CHST11: variants seen among roughly 807,000 people sequenced by gnomAD.
The protein encoded by CHST11 is carbohydrate sulfotransferase 11.
In CHST11, 9 loss-of-function variants were observed where a neutral mutation model predicts 30.4. That is an observed-to-expected ratio of 0.30 (90% CI 0.18 to 0.52). The LOEUF is 0.52. Among genes scored for constraint, CHST11 ranks in the 20% least tolerant of loss-of-function variants. The probability of loss-of-function intolerance (pLI) is 0.97; values close to 1 mark genes in which losing one functional copy is unlikely to be tolerated. For missense variants in CHST11, 348 were observed against 460.6 expected (o/e 0.76, Z 2.24); for synonymous variants, 152 against 187.8 (o/e 0.81, Z 1.56).
intron 1 of CHST11, among the ~76,000 whole-genome samples, chr12:104,568,077 C>T (rs1250646756): frequency 6.6e-6 from 1 of 152,180 alleles, no homozygotes; most frequent in East Asian, 1.9e-4. Flanking sequence ...CTTCCCAGGG[C>T]AGGTGAGCCT....
intron 2 of CHST11, among the ~76,000 whole-genome samples, chr12:104,633,540 G>C (rs111835549): frequency 1.7e-4 from 26 of 148,604 alleles, no homozygotes; most frequent in South Asian, 8.7e-4. Context: ...TCAGCCTCCC[G>C]AGTAGCTGGG....
chr12:104,696,910 G>A (rs2039952115), intron 2 of CHST11, among the ~76,000 whole-genome samples: 1 of 152,104 alleles, frequency 6.6e-6, no homozygotes, highest in Non-Finnish European at 1.5e-5. Flanking sequence ...TGCCTGTTCT[G>A]TACAACTATG....
chr12:104,615,284 G>A (rs1301275939), intron 2 of CHST11, among the ~76,000 whole-genome samples: 2 of 152,092 alleles, frequency 1.3e-5, no homozygotes, highest in African/African-American at 2.4e-5. Context: ...TTTGAGTATT[G>A]GAGAAATCGC....
intron 1 of CHST11, among the ~76,000 whole-genome samples, chr12:104,534,492 G>C (rs1704923): frequency 0.78 from 118,740 of 152,186 alleles, 47,081 homozygotes; most frequent in East Asian, 0.97. Flanking sequence ...TAGTGATTTC[G>C]ATTTCAATGA....
chr12:104,537,253 G>A (rs2038245555), intron 1 of CHST11, among the ~76,000 whole-genome samples: 1 of 152,204 alleles, frequency 6.6e-6, no homozygotes, highest in Admixed American at 6.5e-5. Context: ...ATGGTTCTAA[G>A]ATACAGAAGA....
intron 1 of CHST11, among the ~76,000 whole-genome samples, chr12:104,503,377 A>G (rs527584058): frequency 6.6e-6 from 1 of 152,196 alleles, no homozygotes; most frequent in Non-Finnish European, 1.5e-5. Context: ...TCTGCATTCT[A>G]ACCCCACACT....
chr12:104,652,048 C>T (rs998447703), intron 2 of CHST11, among the ~76,000 whole-genome samples: 51 of 152,234 alleles, frequency 3.4e-4, no homozygotes, highest in African/African-American at 1.1e-3. Context: ...ATTATACCCA[C>T]TTAGCAGGCT....
Position 104,608,863 on chromosome 12 carries a change from T to G in CHST11, c.204+6872T>G, listed in dbSNP as rs1436660765. 2.6e-5 allele frequency among the ~76,000 whole-genome samples: 4 copies of G among 152,106 alleles called. No individual in the cohort carries two copies. In the East Asian group the frequency reaches 7.7e-4, roughly 29 times the overall value. ...CCTATAGTGCTAGACATCCAGCCAG[T>G]AGCATGTGGGCCAATCCGAGATGCC... On this transcript the variant is annotated intron_variant, in intron 2 of 2. Coordinates refer to ENST00000303694, the MANE Select transcript of CHST11 (RefSeq NM_018413.6).
At chr12:104,687,642 G>C (rs2039858019) in intron 2 of CHST11, among the ~76,000 whole-genome samples, 1 of 152,186 alleles carries the variant, frequency 6.6e-6, no homozygotes, top group Non-Finnish European at 1.5e-5. Flanking sequence ...GGGCAGTGAG[G>C]AGGTTCTGGG....
intron 2 of CHST11, among the ~76,000 whole-genome samples, chr12:104,614,726 G>A (rs2039093096): frequency 6.6e-6 from 1 of 150,560 alleles, no homozygotes; most frequent in Non-Finnish European, 1.5e-5. Flanking sequence ...TAGAGCCTTG[G>A]TCATCCCGAC....
At chr12:104,740,931 G>T (rs1171001283) in intron 2 of CHST11, among the ~76,000 whole-genome samples, 5 of 152,252 alleles carry the variant, frequency 3.3e-5, no homozygotes, top group Non-Finnish European at 7.3e-5. Flanking sequence ...CTTTCACTAT[G>T]ATTGAGAATG....
Position 104,600,909 on chromosome 12 carries a change from C to T in CHST11, c.119-997C>T, listed in dbSNP as rs2038951855. On this transcript the variant is annotated intron_variant, in intron 1 of 2. Coordinates refer to ENST00000303694, the MANE Select transcript of CHST11 (RefSeq NM_018413.6). This position sits in a 1 kb window ranked among gnomAD's most constrained non-coding sequence, Gnocchi z 4.1. ...CTCCCTTCTTCCCTCCTTCCTCCTT[C>T]TCGGCTTCCTTTTTTCCTTTCCTCC... 6.6e-6 allele frequency among the ~76,000 whole-genome samples: 1 copy of T among 150,464 alleles called. No individual in the cohort carries two copies. The highest frequency in any genetic ancestry group is 2.5e-5 in the African/African-American group (1 of 40,790).
intron 1 of CHST11, among the ~76,000 whole-genome samples, chr12:104,578,937 A>G (rs955773641): frequency 4.6e-5 from 7 of 152,230 alleles, no homozygotes; most frequent in African/African-American, 1.7e-4. Flanking sequence ...TAATTAACTC[A>G]CGTAATGCAA....
intron 1 of CHST11, among the ~76,000 whole-genome samples, chr12:104,561,993 G>A (rs111950487): frequency 0.048 from 7,338 of 152,102 alleles, 285 homozygotes; most frequent in African/African-American, 0.11. Context: ...GGACTCCAGA[G>A]CTCATACCCT....
intron 2 of CHST11, among the ~76,000 whole-genome samples, chr12:104,626,578 CAAA>C (rs34633763): frequency 9.0e-5 from 7 of 78,152 alleles, no homozygotes; most frequent in Admixed American, 1.4e-4. Flanking sequence ...CCTCCCCACC[CAAA>C]AAAAAAAAAA....
chr12:104,569,823 C>A (rs1273659246), intron 1 of CHST11, among the ~76,000 whole-genome samples: 1 of 152,150 alleles, frequency 6.6e-6, no homozygotes, highest in Admixed American at 6.5e-5. Flanking sequence ...AGTCCCCAAC[C>A]CTGGGCTTTC....
chr12:104,497,469 G>A (rs1041525842), intron 1 of CHST11, among the ~76,000 whole-genome samples: 1 of 152,156 alleles, frequency 6.6e-6, no homozygotes, highest in East Asian at 1.9e-4. Context: ...CTGTGAGAAC[G>A]TAAAATTCTG....
intron 1 of CHST11, among the ~76,000 whole-genome samples, chr12:104,486,988 C>T (rs2135964591): frequency 6.6e-6 from 1 of 152,326 alleles, no homozygotes; most frequent in African/African-American, 2.4e-5. Flanking sequence ...AAGCAAAGCA[C>T]ATTTCTGGTC....
At chr12:104,549,487 C>A (rs2038384896) in intron 1 of CHST11, among the ~76,000 whole-genome samples, 1 of 152,150 alleles carries the variant, frequency 6.6e-6, no homozygotes, top group South Asian at 2.1e-4. Flanking sequence ...GTCCTGTTGT[C>A]AGTTTCTTTA....
Sources: allele counts gnomAD v4.1 joint callset (sites outside exome capture counted in the v4.1 genomes callset), GRCh38; gene constraint gnomAD v4.1.1; non-coding constraint Gnocchi (gnomAD v3.1); transcripts MANE v1.5; gene names NCBI Gene and HGNC (gene_info 2026-07-23, HGNC 2026-07-21).